Variants in TAFA1 observed in about 807,000 individuals in gnomAD.
The protein encoded by TAFA1 is chemokine-like protein TAFA-1.
TAFA1 carries 4 observed loss-of-function variants against 18.5 expected under a neutral mutation model. The ratio of observed to expected loss-of-function variants is 0.22; its 90% confidence interval spans 0.11 to 0.49. TAFA1 has a LOEUF of 0.49. Ranked by LOEUF, TAFA1 falls within the 20% of genes least tolerant of loss-of-function variation. The pLI, the probability that TAFA1 is intolerant of heterozygous loss-of-function variation, is 0.98. For missense variants in TAFA1, 147 were observed against 169.0 expected, an observed-to-expected ratio of 0.87 and a Z score of 0.72; for synonymous variants, 56 against 55.2, an observed-to-expected ratio of 1.01 and a Z score of -0.06.
intron 2 of TAFA1, among the ~76,000 whole-genome samples, chr3:68,058,080 T>A (rs2064557973): frequency 6.6e-6 from 1 of 152,190 alleles, no homozygotes. Flanking sequence ...AGGATGACAA[T>A]CATCTTTGCA....
At chr3:68,154,917 C>A (rs530167035) in intron 2 of TAFA1, among the ~76,000 whole-genome samples, 14 of 152,128 alleles carry the variant, frequency 9.2e-5, no homozygotes, top group South Asian at 2.1e-4. Context: ...GGAAAAAGAC[C>A]AAGAGAAAAA....
chr3:68,433,447 C>T (rs2071215339), intron 3 of TAFA1, among the ~76,000 whole-genome samples: 1 of 152,086 alleles, frequency 6.6e-6, no homozygotes. Context: ...CTGTTGTTGG[C>T]TACTGTACAT....
At chr3:68,424,909 A>G (rs17047690) in intron 3 of TAFA1, among the ~76,000 whole-genome samples, 21,589 of 151,982 alleles carry the variant, frequency 0.14, 2,062 homozygotes, top group East Asian at 0.33. Context: ...ACTTGGGGCC[A>G]TGATGCTGTA....
chr3:68,160,622 C>T (rs1054357970), intron 2 of TAFA1, among the ~76,000 whole-genome samples: 26 of 152,268 alleles, frequency 1.7e-4, no homozygotes, highest in African/African-American at 6.3e-4. Context: ...GTAACATCTC[C>T]AAAACAATTA....
rs57202047 is a variant in TAFA1 at position 68,295,417 on chromosome 3, TAA to T, written c.119-121854_119-121853del. On this transcript the variant is annotated intron_variant, in intron 2 of 4. Transcript: ENST00000478136. ...AAGTTCTAAGACCTATTTTTTCAGT[TAA>T]AAAAAAAAGACTTTTTAAGTCTATT... is the stretch of plus-strand genomic sequence containing the variant. Among the ~76,000 whole-genome samples, 16 of 148,506 alleles carry T rather than the reference TAA, an allele frequency of 1.1e-4. No homozygotes were observed. In the South Asian group the frequency reaches 2.1e-3, roughly 20 times the overall value.
intron 3 of TAFA1, among the ~76,000 whole-genome samples, chr3:68,519,158 C>A (rs1441447859): frequency 1.3e-5 from 2 of 152,142 alleles, no homozygotes; most frequent in Non-Finnish European, 2.9e-5. Context: ...ACCTAATCAC[C>A]AATGTGATGA....
chr3:68,368,897 T>A (rs1246276181), intron 2 of TAFA1, among the ~76,000 whole-genome samples: 2 of 152,224 alleles, frequency 1.3e-5, no homozygotes, highest in Non-Finnish European at 2.9e-5. Flanking sequence ...TCCTGCTGTT[T>A]TCTCCGTGAA....
chr3:68,377,765 TC>T (rs918465345), intron 2 of TAFA1, among the ~76,000 whole-genome samples: 4 of 152,074 alleles, frequency 2.6e-5, no homozygotes, highest in Admixed American at 6.6e-5. Context: ...AAAAATGGTT[TC>T]GTGATTTGGG....
At chr3:68,491,504 C>T (rs1030401296) in intron 3 of TAFA1, among the ~76,000 whole-genome samples, 1 of 127,098 alleles carries the variant, frequency 7.9e-6, no homozygotes, top group Non-Finnish European at 1.5e-5. Context: ...AACACATGGA[C>T]ACAGGAAGGG....
intron 2 of TAFA1, among the ~76,000 whole-genome samples, chr3:68,325,228 G>A (rs1323561227): frequency 5.9e-5 from 9 of 152,202 alleles, no homozygotes; most frequent in African/African-American, 1.4e-4. Context: ...CAAGGCATCA[G>A]TGTCACCATT....
intron 2 of TAFA1, among the ~76,000 whole-genome samples, chr3:68,081,960 G>A (rs2064908057): frequency 2.0e-5 from 3 of 152,212 alleles, no homozygotes; most frequent in South Asian, 4.1e-4. Flanking sequence ...CTAGCAATCA[G>A]TGAGACTCCA....
At chr3:68,019,765 AAAC>A (rs371175020) in intron 2 of TAFA1, among the ~76,000 whole-genome samples, 40 of 151,984 alleles carry the variant, frequency 2.6e-4, no homozygotes, top group Non-Finnish European at 4.4e-4. Context: ...CATCAAAAAC[AAAC>A]AACAACAACA....
At chr3:68,417,973 A>C (rs1438596029) in intron 3 of TAFA1, among the ~76,000 whole-genome samples, 2 of 152,222 alleles carry the variant, frequency 1.3e-5, no homozygotes, top group African/African-American at 2.4e-5. Flanking sequence ...GCAAGGGGGA[A>C]GTCTGCCTCC....
At chr3:68,224,419 CTGTT>C (rs1392992834) in intron 2 of TAFA1, among the ~76,000 whole-genome samples, 7 of 152,146 alleles carry the variant, frequency 4.6e-5, no homozygotes, top group Non-Finnish European at 7.4e-5. Context: ...TTTTAATTCT[CTGTT>C]TGTAAAATTT....
intron 2 of TAFA1, among the ~76,000 whole-genome samples, chr3:68,360,285 CAT>C (rs1352985241): frequency 3.3e-5 from 5 of 151,984 alleles, no homozygotes; most frequent in Admixed American, 3.3e-4. Context: ...CATTTGAGCA[CAT>C]GCAAGACTTT....
intron 2 of TAFA1, among the ~76,000 whole-genome samples, chr3:68,087,144 A>G (rs887933420): frequency 6.6e-6 from 1 of 152,212 alleles, no homozygotes; most frequent in African/African-American, 2.4e-5. Context: ...CAGGAATTGC[A>G]TTTAGAAAGG....
intron 2 of TAFA1, among the ~76,000 whole-genome samples, chr3:68,264,067 G>A (rs1341670895): frequency 1.3e-5 from 2 of 151,946 alleles, no homozygotes; most frequent in African/African-American, 4.8e-5. Context: ...CGAGGTGGGC[G>A]GATCACTTGA....
chr3:68,465,493 T>C (rs958955400), intron 3 of TAFA1, among the ~76,000 whole-genome samples: 3 of 152,212 alleles, frequency 2.0e-5, no homozygotes. Flanking sequence ...TCCTGTCCAG[T>C]TCTTCATAAT....
intron 4 of TAFA1, among the ~76,000 whole-genome samples, chr3:68,542,408 T>C (rs2073391825): frequency 6.6e-6 from 1 of 152,186 alleles, no homozygotes; most frequent in Admixed American, 6.6e-5. Context: ...CTTGCAGTTT[T>C]AGACACCTAT....
Sources: allele counts gnomAD v4.1 joint callset (sites outside exome capture counted in the v4.1 genomes callset), GRCh38; gene constraint gnomAD v4.1.1; transcripts MANE v1.5; gene names NCBI Gene and HGNC (gene_info 2026-07-23, HGNC 2026-07-21).